The following FAT3 variants were observed in gnomAD, a reference collection of about 807,000 sequenced individuals.
FAT3 encodes FAT atypical cadherin 3.
FAT3 carries 95 observed loss-of-function variants against 310.2 expected under a neutral mutation model. The ratio of observed to expected loss-of-function variants is 0.31; its 90% confidence interval spans 0.26 to 0.36. The LOEUF (loss-of-function observed/expected upper bound fraction) is 0.36, where lower values mean the gene tolerates loss of function less well. Among genes scored for constraint, FAT3 ranks in the 10% least tolerant of loss-of-function variants. The pLI, the probability that FAT3 is intolerant of heterozygous loss-of-function variation, is 1.00. For missense variants in FAT3, 5,408 were observed against 5,715.6 expected (o/e 0.95, Z 1.74); for synonymous variants, 2,314 against 2,192.9 (o/e 1.06, Z -1.54).
chr11:92,548,482 C>A lies in FAT3; in HGVS notation c.3607+23534C>A, dbSNP rs76665231. The stretch of plus-strand genomic sequence containing the variant: ...TTTTATTTTTCATAAGAAAAGGGAG[C>A]AGCAAAGAAAGGAAATTCGCAAAAT... On this transcript the variant is annotated intron_variant, in intron 3 of 27. Coordinates refer to ENST00000525166, the MANE Select transcript of FAT3 (RefSeq NM_001367949.2). Among the ~76,000 whole-genome samples, 26 of 152,304 alleles carry A rather than the reference C, an allele frequency of 1.7e-4. No individual in the cohort carries two copies. The East Asian group carries it at 4.1e-3, about 24-fold the overall frequency.
chr11:92,271,839 T>C (rs1046737547), intron 1 of FAT3, among the ~76,000 whole-genome samples: 3 of 152,198 alleles, frequency 2.0e-5, no homozygotes, highest in Admixed American at 2.0e-4. Flanking sequence ...CTTTTCTTTT[T>C]CTGCCTTCTT....
chr11:92,564,713 G>C (rs1955365382), intron 3 of FAT3, among the ~76,000 whole-genome samples: 1 of 151,750 alleles, frequency 6.6e-6, no homozygotes, highest in African/African-American at 2.4e-5. Flanking sequence ...AATCAAACTA[G>C]AACTCAGGAT....
At chr11:92,257,246 G>A (rs1865353956) in intron 1 of FAT3, among the ~76,000 whole-genome samples, 1 of 152,012 alleles carries the variant, frequency 6.6e-6, no homozygotes, top group Admixed American at 6.6e-5. Context: ...GGATTGTCTT[G>A]TCTCCTTGCA....
chr11:92,310,442 T>G (rs1001267575), intron 1 of FAT3, among the ~76,000 whole-genome samples: 3 of 152,200 alleles, frequency 2.0e-5, no homozygotes, highest in African/African-American at 4.8e-5. Context: ...AATTGAAATA[T>G]GTACTGAACC....
intron 9 of FAT3, among the ~76,000 whole-genome samples, chr11:92,793,386 A>G (rs1947086440): frequency 6.6e-6 from 1 of 152,140 alleles, no homozygotes; most frequent in Admixed American, 6.5e-5. Flanking sequence ...TTACTTGTGA[A>G]TAGGTGGTCT....
chr11:92,308,614 G>C (rs1419480094), intron 1 of FAT3, among the ~76,000 whole-genome samples: 1 of 152,146 alleles, frequency 6.6e-6, no homozygotes, highest in Non-Finnish European at 1.5e-5. Flanking sequence ...GAAGAACCTA[G>C]CAATCATTAG....
chr11:92,799,363 G>A lies in FAT3; in HGVS notation c.6350G>A (p.Gly2117Glu). ...TAIDKDKGPN[G>E]EVTYVLQDDY... ...ATTGACAAAGATAAAGGTCCAAATG[G>A]AGAAGTGACCTATGTCCTGCAGGAT... is the stretch of plus-strand genomic sequence containing the variant. Residue 2117 changes from glycine to glutamate, a missense_variant, in exon 10 of 28, where the codon GGA becomes GAA. By Grantham distance (98) the Gly-to-Glu change is moderately conservative. Coordinates refer to ENST00000525166, the MANE Select transcript of FAT3 (RefSeq NM_001367949.2). 6.2e-7 allele frequency: 1 copy of A among 1,613,886 alleles called. No individual in the cohort carries two copies. Among genetic ancestry groups the A allele is most frequent in the Non-Finnish European group, 8.5e-7 (1 of 1,179,860 alleles).
chr11:92,831,608 T>C lies in FAT3; in HGVS notation c.9482-14T>C, dbSNP rs1271707420. The C allele has an allele frequency of 1.2e-6, 2 of 1,601,366 alleles. No homozygotes were observed. Among genetic ancestry groups the C allele is most frequent in the Middle Eastern group, 1.7e-4 (1 of 6,032 alleles). ...ATGTTCTTGCCCACTCATTTTCCTG[T>C]GTCTCTCCCACAGGCATCAATAGGA... is the stretch of plus-strand genomic sequence containing the variant. On this transcript the variant is annotated splice_polypyrimidine_tract_variant and intron_variant, in intron 13 of 27. Transcript: ENST00000525166.
chr11:92,275,398 T>G (rs1946242686), intron 1 of FAT3, among the ~76,000 whole-genome samples: 1 of 152,034 alleles, frequency 6.6e-6, no homozygotes, highest in African/African-American at 2.4e-5. Flanking sequence ...TCAACCTTAT[T>G]CAACCTTATT....
At chr11:92,271,741 C>T (rs1946128497) in intron 1 of FAT3, among the ~76,000 whole-genome samples, 1 of 152,146 alleles carries the variant, frequency 6.6e-6, no homozygotes, top group South Asian at 2.1e-4. Flanking sequence ...TAACAATTTG[C>T]TTTGATATGC....
intron 19 of FAT3, among the ~76,000 whole-genome samples, chr11:92,852,573 C>G (rs1220325871): frequency 6.6e-6 from 1 of 152,096 alleles, no homozygotes; most frequent in Non-Finnish European, 1.5e-5. Context: ...AAACTATCCC[C>G]TTAATCCTAA....
intron 4 of FAT3, among the ~76,000 whole-genome samples, chr11:92,758,528 G>C (rs1946062639): frequency 6.6e-6 from 1 of 152,202 alleles, no homozygotes; most frequent in Admixed American, 6.5e-5. Flanking sequence ...TGAGCATAGA[G>C]ATGAGAAAGA....
At chr11:92,847,660 T>A (rs976286592) in intron 19 of FAT3, among the ~76,000 whole-genome samples, 12 of 152,198 alleles carry the variant, frequency 7.9e-5, no homozygotes, top group African/African-American at 2.9e-4. Context: ...TCTACACATG[T>A]AGCCTGGATG....
chr11:92,823,594 G>T (rs1182816893), intron 13 of FAT3, among the ~76,000 whole-genome samples: 1 of 152,122 alleles, frequency 6.6e-6, no homozygotes, highest in Non-Finnish European at 1.5e-5. Context: ...TCATGTTGTT[G>T]CTCCTACCCA....
intron 3 of FAT3, among the ~76,000 whole-genome samples, chr11:92,555,222 C>A (rs780814711): frequency 6.6e-6 from 1 of 152,092 alleles, no homozygotes; most frequent in South Asian, 2.1e-4. Context: ...GATGATGCTG[C>A]GATTCTGTGA....
intron 22 of FAT3, among the ~76,000 whole-genome samples, chr11:92,880,135 A>T (rs192057815): frequency 1.1e-3 from 160 of 151,158 alleles, no homozygotes; most frequent in Non-Finnish European, 1.8e-3. Context: ...ATGAGGGGAG[A>T]AAGTGAAAAA....
intron 3 of FAT3, among the ~76,000 whole-genome samples, chr11:92,666,625 G>T (rs1170671235): frequency 6.6e-6 from 1 of 151,688 alleles, no homozygotes; most frequent in African/African-American, 2.4e-5. Context: ...CTCCCAAAGT[G>T]CTGAGATTAC....
chr11:92,449,050 G>C (rs1242978811), intron 2 of FAT3, among the ~76,000 whole-genome samples: 1 of 152,004 alleles, frequency 6.6e-6, no homozygotes, highest in East Asian at 1.9e-4. Context: ...TCTCACACTG[G>C]CCCGGGCTCA....
intron 3 of FAT3, among the ~76,000 whole-genome samples, chr11:92,641,066 T>A (rs1470403556): frequency 6.6e-6 from 1 of 152,018 alleles, no homozygotes; most frequent in Non-Finnish European, 1.5e-5. Context: ...CATGATAGCA[T>A]GCACCTGTAG....
Sources: allele counts gnomAD v4.1 joint callset (sites outside exome capture counted in the v4.1 genomes callset), GRCh38; gene constraint gnomAD v4.1.1; transcripts MANE v1.5; gene names NCBI Gene and HGNC (gene_info 2026-07-23, HGNC 2026-07-21).